QTGAL: variants seen among roughly 807,000 people sequenced by gnomAD.
The protein encoded by QTGAL is BGnT-like protein 1.
the QTGAL span, among the ~76,000 whole-genome samples, chr17:82,991,071 A>G: frequency 1.8e-4 from 27 of 152,228 alleles, no homozygotes; most frequent in Admixed American, 1.8e-3. Flanking sequence ...CAGATCGTAG[A>G]TGAAAATTAA....
At chr17:82,965,258 C>A in the QTGAL span, among the ~76,000 whole-genome samples, 1 of 150,910 alleles carries the variant, frequency 6.6e-6, no homozygotes, top group Non-Finnish European at 1.5e-5. Flanking sequence ...GACGGGGACA[C>A]AGACGCCTGC....
the QTGAL span, among the ~76,000 whole-genome samples, chr17:82,977,832 T>C: frequency 6.6e-6 from 1 of 152,186 alleles, no homozygotes; most frequent in Non-Finnish European, 1.5e-5. Context: ...GCTGCCCATG[T>C]CACACACGAG....
At chr17:83,001,313 C>T in the QTGAL span, among the ~76,000 whole-genome samples, 1 of 152,110 alleles carries the variant, frequency 6.6e-6, no homozygotes, top group African/African-American at 2.4e-5. Flanking sequence ...ACATCGTCCA[C>T]AACATAGTCA....
the QTGAL span, among the ~76,000 whole-genome samples, chr17:82,994,968 G>A: frequency 6.6e-6 from 1 of 152,146 alleles, no homozygotes; most frequent in Non-Finnish European, 1.5e-5. Flanking sequence ...TGCTGAAAAA[G>A]CATTTGATAA....
the QTGAL span, chr17:83,035,054 T>TAAG: frequency 1.2e-6 from 2 of 1,612,026 alleles, no homozygotes; most frequent in Admixed American, 3.3e-5. Flanking sequence ...AAAGCAAAGG[T>TAAG]AAGACCCTGA....
the QTGAL span, among the ~76,000 whole-genome samples, chr17:82,994,305 A>G: frequency 0.012 from 1,844 of 152,238 alleles, 43 homozygotes; most frequent in African/African-American, 0.042. Context: ...GGATGAAAAG[A>G]GAGACATTAC....
the QTGAL span, among the ~76,000 whole-genome samples, chr17:83,030,567 C>A: frequency 6.6e-6 from 1 of 152,204 alleles, no homozygotes; most frequent in Non-Finnish European, 1.5e-5. Context: ...CCTGTCCCCT[C>A]GGTTCAAGGA....
At chr17:82,957,136 A>G in the QTGAL span, 7 of 1,610,356 alleles carry the variant, frequency 4.3e-6, no homozygotes, top group Non-Finnish European at 5.9e-6. Flanking sequence ...TCAGCCCCGG[A>G]GCAGGTGGTT....
chr17:83,024,649 C>T, the QTGAL span, among the ~76,000 whole-genome samples: 5 of 152,258 alleles, frequency 3.3e-5, no homozygotes, highest in Non-Finnish European at 5.9e-5. Flanking sequence ...TGAATCCACG[C>T]GTGTTAACAC....
the QTGAL span, among the ~76,000 whole-genome samples, chr17:82,973,489 G>A: frequency 6.6e-6 from 1 of 152,194 alleles, no homozygotes; most frequent in Non-Finnish European, 1.5e-5. Flanking sequence ...GAATGGAAAA[G>A]GAGATGAAAA....
the QTGAL span, chr17:82,961,135 C>T: frequency 6.2e-7 from 1 of 1,608,104 alleles, no homozygotes; most frequent in Non-Finnish European, 8.5e-7. Flanking sequence ...GACGCCGCCG[C>T]CCTTCCTGAG....
the QTGAL span, among the ~76,000 whole-genome samples, chr17:83,010,600 T>C: frequency 3.9e-5 from 6 of 152,250 alleles, no homozygotes; most frequent in African/African-American, 1.4e-4. Context: ...GCCCCAGCCC[T>C]GTGCTCTGGG....
At chr17:83,051,050 G>A in the QTGAL span, among the ~76,000 whole-genome samples, 39 of 151,406 alleles carry the variant, frequency 2.6e-4, no homozygotes, top group Non-Finnish European at 4.6e-4. Context: ...GGCACGGGGA[G>A]GTGTGCAGAC....
At chr17:82,955,086 A>C in the QTGAL span, among the ~76,000 whole-genome samples, 27 of 152,316 alleles carry the variant, frequency 1.8e-4, no homozygotes, top group Middle Eastern at 6.8e-3. Context: ...TGACTAAAAC[A>C]CCAAAAGCAA....
At chr17:83,017,525 A>C in the QTGAL span, among the ~76,000 whole-genome samples, 1 of 152,022 alleles carries the variant, frequency 6.6e-6, no homozygotes, top group Non-Finnish European at 1.5e-5. Context: ...CAGGAAGCCG[A>C]GGTACGAGAA....
chr17:82,973,474 CCT>C, the QTGAL span, among the ~76,000 whole-genome samples: 1 of 152,136 alleles, frequency 6.6e-6, no homozygotes, highest in African/African-American at 2.4e-5. Flanking sequence ...GAGCAGCGCT[CCT>C]GAGAATGGAA....
At chr17:83,027,987 A>G in the QTGAL span, among the ~76,000 whole-genome samples, 2,416 of 151,936 alleles carry the variant, frequency 0.016, 56 homozygotes, top group African/African-American at 0.055. Flanking sequence ...GGTGGTATGC[A>G]CCTGTAGTCC....
chr17:83,013,231 A>AC, the QTGAL span, among the ~76,000 whole-genome samples: 2 of 150,764 alleles, frequency 1.3e-5, no homozygotes, highest in Non-Finnish European at 3.0e-5. Flanking sequence ...GACCTGACAC[A>AC]CCCCCAAAGG....
At chr17:82,957,808 A>G in the QTGAL span, among the ~76,000 whole-genome samples, 1 of 152,208 alleles carries the variant, frequency 6.6e-6, no homozygotes, top group South Asian at 2.1e-4. Flanking sequence ...ACTTGACCCA[A>G]GTCCAGTTTC....
Sources: gnomAD v4.1 joint callset for allele counts (sites outside exome capture counted in the v4.1 genomes callset) on GRCh38, gnomAD v4.1.1 for gene constraint, MANE v1.5 for transcripts, NCBI Gene and HGNC (gene_info 2026-07-23, HGNC 2026-07-21) for gene names.